The following BTBD18 variants were observed in gnomAD, a reference collection of about 807,000 sequenced individuals.
BTBD18 encodes the protein BTB/POZ domain-containing protein 18.
For missense variants in BTBD18, 787 were observed against 846.3 expected (o/e 0.93, Z 0.87); for synonymous variants, 311 against 324.4 (o/e 0.96, Z 0.44).
In BTBD18 at chr11:57,744,018, C is replaced by G. The variant is rs1049620958; in HGVS notation, c.*116G>C. ...AAGGGAGGAAGGGACCTACAAAGAG[C>G]CAGGGTACACCTGCCTCTTGTGCTG... On this transcript the variant is annotated 3_prime_UTR_variant, in exon 3 of 3. Transcript: ENST00000422652. 1.4e-6 allele frequency: 1 copy of G among 722,610 alleles called. No homozygotes were observed. The highest frequency in any genetic ancestry group is 1.8e-5 in the African/African-American group (1 of 56,006). The allele number at this position is 722,610 out of a possible 1,614,324, so 44.8% of individuals were successfully genotyped here. A position where few individuals can be genotyped will look rare whatever the true frequency, so the allele number is the denominator to read the frequency against.
rs1286667824 is a variant in BTBD18, at chr11:57,744,709, A to G, written c.1564T>C (p.Cys522Arg). Reference protein sequence around the residue: ...GSLESPGAEGCRTPTYHLTET... With the variant: ...GSLESPGAEGRRTPTYHLTET... The stretch of plus-strand genomic sequence containing the variant: ...GTCAGATGGTAGGTAGGCGTTCTGC[A>G]GCCCTCAGCCCCTGGACTCTCCAGA... The change falls in exon 3 of 3, where the codon TGC becomes CGC. Residue 522 changes from cysteine to arginine, a missense_variant. Physicochemically the swap from Cys to Arg is radical, Grantham distance 180 (BLOSUM62 -3). Transcript: ENST00000422652. 2 of 1,551,718 alleles carry G rather than the reference A, an allele frequency of 1.3e-6. No individual in the cohort carries two copies.
rs1407260246 is a variant in BTBD18 at position 57,745,220 on chromosome 11, C to A, written c.1053G>T (p.Glu351Asp). The change falls in exon 3 of 3, where the codon GAG becomes GAT. Residue 351 changes from glutamate to aspartate, a missense_variant. By Grantham distance (45) the Glu-to-Asp change is conservative (BLOSUM62 2). Transcript: ENST00000422652. ...GTTTAACTCTCCCAACCTGCCCCTC[C>A]TCTGCAGAGTCTGAGTTAGGTGCCC... ...EVRAPNSDSA[E>D]EGQVGRVKLR... 6 of 1,551,722 alleles carry A rather than the reference C, an allele frequency of 3.9e-6. No individual in the cohort carries two copies. The Admixed American group carries it at 9.8e-5, about 25-fold the overall frequency.
chr11:57,745,910 T>C lies in BTBD18; in HGVS notation c.363A>G (p.Glu121=). Residue 121 remains glutamate, a synonymous_variant, in exon 3 of 3, where the codon GAA becomes GAG. Coordinates refer to ENST00000422652, the MANE Select transcript of BTBD18 (RefSeq NM_001145101.3). ...ACTTTCCACCCTCAAGCTGAAGGGA[T>C]TCCAGCTCAGACACACGGAGCTGAC... ...AARQLRVSEL[E]SLQLEGGKLV... The C allele has an allele frequency of 6.4e-7, 1 of 1,551,616 alleles. No individual in the cohort carries two copies. Among genetic ancestry groups the C allele is most frequent in the Non-Finnish European group, 8.7e-7 (1 of 1,146,956 alleles).
chr11:57,750,605 G>A (rs1390127082), intron 2 of BTBD18, among the ~76,000 whole-genome samples: 3 of 151,826 alleles, frequency 2.0e-5, no homozygotes, highest in Admixed American at 2.0e-4. Flanking sequence ...GCTAAGGCAT[G>A]AGAATCACTT....
rs1479662736 is a variant in BTBD18 at position 57,751,770 on chromosome 11, T to C, written c.-278A>G. The C allele has an allele frequency of 6.6e-6, 1 of 152,242 alleles. No individual in the cohort carries two copies. The highest frequency in any genetic ancestry group is 2.4e-5 in the African/African-American group (1 of 41,454). 9.4% of individuals were successfully genotyped at this position (152,242 alleles called of 1,614,324 possible). A position where few individuals can be genotyped will look rare whatever the true frequency, so the allele number is the denominator to read the frequency against. On this transcript the variant is annotated 5_prime_UTR_variant, in exon 1 of 3. It removes the in-frame stop codon of an upstream open reading frame in the 5' UTR. Coordinates refer to ENST00000422652, the MANE Select transcript of BTBD18 (RefSeq NM_001145101.3). ...GGTATAATCTTCAAGTTAACACTTT[T>C]AAGGAAACATTACTGGGTATAAAAT... is the stretch of plus-strand genomic sequence containing the variant.
intron 2 of BTBD18, among the ~76,000 whole-genome samples, chr11:57,750,049 C>T (rs1021838003): frequency 6.6e-6 from 1 of 152,072 alleles, no homozygotes; most frequent in Admixed American, 6.6e-5. Context: ...TTAGTTCTAG[C>T]AACAAACAAC....
chr11:57,749,015 G>GA (rs1949246470), intron 2 of BTBD18, among the ~76,000 whole-genome samples: 1 of 152,124 alleles, frequency 6.6e-6, no homozygotes, highest in Admixed American at 6.5e-5. Flanking sequence ...TGTCTGCCAG[G>GA]AAAAATCCCT....
rs576323420 is a variant in BTBD18 at position 57,749,745 on chromosome 11, CAAAAAAAAAAA to C, written c.124+1309_124+1319del. Among the ~76,000 whole-genome samples, 229 of 62,980 alleles carry C rather than the reference CAAAAAAAAAAA, an allele frequency of 3.6e-3. 1 individual carries two copies. The highest frequency in any genetic ancestry group is 0.014 in the African/African-American group (219 of 15,828). The allele number at this position is 62,980 out of a possible 152,430, so 41.3% of individuals were successfully genotyped here. A position where few individuals can be genotyped will look rare whatever the true frequency, so the allele number is the denominator to read the frequency against. On this transcript the variant is annotated intron_variant, in intron 2 of 2. Transcript: ENST00000422652. ...AGCCTGGGCGACAGCGCAAGAATCT[CAAAAAAAAAAA>C]AAAAAAAAAAAAAAAAATCAAATGA...
Position 57,744,751 on chromosome 11 carries a change from C to G in BTBD18, c.1522G>C (p.Glu508Gln). 6.4e-7 allele frequency: 1 copy of G among 1,551,716 alleles called. No homozygotes were observed. Among genetic ancestry groups the G allele is most frequent in the Non-Finnish European group, 8.7e-7 (1 of 1,147,010 alleles). ...CTCTCCAGAGACCCTATAGGTGGTT[C>G]AATGTCTGAGCCACAGAGCATGAAG... is the stretch of plus-strand genomic sequence containing the variant. Reference protein sequence around the residue: ...LDFMLCGSDIEPPIGSLESPG... With the variant: ...LDFMLCGSDIQPPIGSLESPG... Residue 508 changes from glutamate to glutamine, a missense_variant, in exon 3 of 3, where the codon GAA becomes CAA. Glu to Gln is a conservative substitution (Grantham distance 29). Transcript: ENST00000422652.
chr11:57,744,785 C>G lies in BTBD18; in HGVS notation c.1488G>C (p.Glu496Asp). Residue 496 changes from glutamate to aspartate, a missense_variant, in exon 3 of 3, where the codon GAG (glutamate) becomes GAC (aspartate). Physicochemically the swap from Glu to Asp is conservative, Grantham distance 45. Transcript: ENST00000422652. Reference sequence around the variant, plus strand: ...AGCCACAGAGCATGAAGTCCAGGATCTCCTCCAGCTCACTGGTGGCAGCAG... The same window carrying G: ...AGCCACAGAGCATGAAGTCCAGGATGTCCTCCAGCTCACTGGTGGCAGCAG... ...TSAAATSELE[E>D]ILDFMLCGSD... 6.4e-7 allele frequency: 1 copy of G among 1,551,690 alleles called. No individual in the cohort carries two copies. Among genetic ancestry groups the G allele is most frequent in the Non-Finnish European group, 8.7e-7 (1 of 1,147,010 alleles).
chr11:57,749,990 A>T (rs1294728730), intron 2 of BTBD18, among the ~76,000 whole-genome samples: 11 of 152,190 alleles, frequency 7.2e-5, no homozygotes, highest in Admixed American at 6.5e-4. Context: ...TTTATGCTGA[A>T]TTAACATTTC....
chr11:57,748,713 G>T lies in BTBD18; in HGVS notation c.124+2352C>A, dbSNP rs184463451. On this transcript the variant is annotated intron_variant, in intron 2 of 2. Transcript: ENST00000422652. The stretch of plus-strand genomic sequence containing the variant: ...GGTCATCATCATCCCCTCTCTCCTG[G>T]ATTATGAAACAGCTGCCTATCTAGG... 1.7e-3 allele frequency among the ~76,000 whole-genome samples: 254 copies of T among 152,180 alleles called. 1 individual carries two copies. The highest frequency in any genetic ancestry group is 5.8e-3 in the African/African-American group (241 of 41,526).
rs1949297813 is a variant in BTBD18 at position 57,751,117 on chromosome 11, A to G, written c.72T>C (p.Leu24=). ...ACACATCACTCTGCTGCTGGTGATG[A>G]AGCTGCAGAAAAGCTAACCTGAGGA... ...PRFLRLAFLQ[L]HHQQQSDVFC... is the part of the protein sequence containing the mutation. The change falls in exon 2 of 3, where the codon CTT becomes CTC. Residue 24 remains leucine, a synonymous_variant. Transcript: ENST00000422652. 2 of 1,550,560 alleles carry G rather than the reference A, an allele frequency of 1.3e-6. No homozygotes were observed. The highest frequency in any genetic ancestry group is 1.7e-6 in the Non-Finnish European group (2 of 1,146,482).
upstream of BTBD18, among the ~76,000 whole-genome samples, chr11:57,751,936 G>C (rs1949320099): frequency 6.6e-6 from 1 of 152,184 alleles, no homozygotes; most frequent in African/African-American, 2.4e-5. Flanking sequence ...ACCCTTGGCT[G>C]GGTGTACTTG....
chr11:57,748,397 C>A (rs895354608), intron 2 of BTBD18, among the ~76,000 whole-genome samples: 1 of 152,002 alleles, frequency 6.6e-6, no homozygotes, highest in African/African-American at 2.4e-5. Flanking sequence ...AACATGCTTA[C>A]AACTGCAAAG....
intron 1 of BTBD18, 94 bp from the exon 2 acceptor site, chr11:57,751,330 T>G: frequency 1.7e-6 from 1 of 605,010 alleles, no homozygotes; most frequent in Non-Finnish European, 2.7e-6. Flanking sequence ...TGAGAGATAA[T>G]AGTATGAGTT....
In BTBD18 at chr11:57,744,205, G is replaced by A. The variant is rs760908244; in HGVS notation, c.2068C>T (p.Pro690Ser). The part of the protein sequence containing the change: ...VDWTAEGRLV[P>S]TTVPSVWPDP... ...GGCCACACGGAGGGAACAGTAGTGG[G>A]TACCAGCCTCCCCTCTGCTGTCCAG... is the stretch of plus-strand genomic sequence containing the variant. The change falls in exon 3 of 3, where the codon CCC (proline) becomes TCC (serine). Residue 690 changes from proline (P) to serine (S), a missense_variant. By Grantham distance (74) the Pro-to-Ser change is moderately conservative. Coordinates refer to ENST00000422652, the MANE Select transcript of BTBD18 (RefSeq NM_001145101.3). 9.0e-6 allele frequency: 14 copies of A among 1,551,524 alleles called. No individual in the cohort carries two copies. Among genetic ancestry groups the A allele is most frequent in the Non-Finnish European group, 4.4e-6 (5 of 1,146,978 alleles).
intron 2 of BTBD18, among the ~76,000 whole-genome samples, chr11:57,750,728 T>C (rs747399230): frequency 6.6e-6 from 1 of 152,228 alleles, no homozygotes; most frequent in Non-Finnish European, 1.5e-5. Context: ...TAACACATAT[T>C]GTGGTTAGTA....
At chr11:57,752,932 C>T (rs1331070816), upstream of BTBD18, among the ~76,000 whole-genome samples, 1 of 152,246 alleles carries the variant, frequency 6.6e-6, no homozygotes. Context: ...GCGAGGGTTT[C>T]TGGGAATGGA....
Sources: allele counts gnomAD v4.1 joint callset (sites outside exome capture counted in the v4.1 genomes callset), GRCh38; gene constraint gnomAD v4.1.1; transcripts MANE v1.5; gene names NCBI Gene and HGNC (gene_info 2026-07-23, HGNC 2026-07-21).